Variants in VAMP3 observed in about 807,000 individuals in gnomAD.
The protein encoded by VAMP3 is vesicle associated membrane protein 3, also known as vesicle-associated membrane protein 3.
A neutral mutation model predicts 18.1 loss-of-function variants in VAMP3; 11 were observed. That is an observed-to-expected ratio of 0.61 (90% CI 0.38 to 1.00). The LOEUF (loss-of-function observed/expected upper bound fraction) is 1.00, where lower values mean the gene tolerates loss of function less well. Ranked by LOEUF, VAMP3 falls within the 50% of genes least tolerant of loss-of-function variation. The probability of loss-of-function intolerance (pLI) is 0.01; values close to 1 mark genes in which losing one functional copy is unlikely to be tolerated. For synonymous variants in VAMP3, 49 were observed against 43.1 expected (o/e 1.14, Z -0.53); for missense variants, 122 against 127.3 (o/e 0.96, Z 0.20).
At chr1:7,771,600 C>T (rs1208171648) in intron 1 of VAMP3, among the ~76,000 whole-genome samples, 1 of 152,156 alleles carries the variant, frequency 6.6e-6, no homozygotes, top group African/African-American at 2.4e-5. Context: ...GCGGAAGGGG[C>T]AAGGGCGGGG....
intron 4 of VAMP3, among the ~76,000 whole-genome samples, chr1:7,778,371 CAATT>C (rs1315314718): frequency 6.6e-6 from 1 of 152,040 alleles, no homozygotes; most frequent in Non-Finnish European, 1.5e-5. Context: ...TCTCTACAAA[CAATT>C]GTTAATAATT....
At position 7,780,422 on chromosome 1, in the gene VAMP3, A is replaced by C. The variant is rs1168433835; in HGVS notation, c.*777A>C. 6.5e-6 allele frequency: 1 copy of C among 152,816 alleles called. No homozygotes were observed. Among genetic ancestry groups the C allele is most frequent in the Non-Finnish European group, 1.5e-5 (1 of 68,054 alleles). 9.5% of individuals were successfully genotyped at this position (152,816 alleles called of 1,614,324 possible). On this transcript the variant is annotated 3_prime_UTR_variant, in exon 5 of 5. Coordinates refer to ENST00000054666, the MANE Select transcript of VAMP3 (RefSeq NM_004781.4). The stretch of plus-strand genomic sequence containing the variant: ...ACTCAAGGTGCCCCTTCAGAATTAA[A>C]ATCATTACCTTGTGTGTGAACCTTC...
Position 7,771,354 on chromosome 1 carries a change from G to A in VAMP3, c.-30G>A. 6.3e-7 allele frequency: 1 copy of A among 1,591,936 alleles called. No homozygotes were observed. The highest frequency in any genetic ancestry group is 1.7e-5 in the Admixed American group (1 of 58,824). The stretch of plus-strand genomic sequence containing the variant: ...TTCGCTTCTCTGCTGACCCTCTCTC[G>A]TCGCCGCTGCCGCCGCCGCAGCTGC... On this transcript the variant is annotated 5_prime_UTR_variant, in exon 1 of 5. Transcript: ENST00000054666.
chr1:7,777,378 A>G (rs2097054823), intron 3 of VAMP3, 60 bp downstream of exon 3: 1 of 1,551,840 alleles, frequency 6.4e-7, no homozygotes. Context: ...CAGAGAATTA[A>G]CAGGCTACAG....
chr1:7,773,346 T>C (rs2097052381), intron 1 of VAMP3, 96 bp from the exon 2 acceptor site: 2 of 968,600 alleles, frequency 2.1e-6, no homozygotes, highest in Middle Eastern at 2.1e-4. Context: ...ATGTAAGAGA[T>C]TGTTAACAGT....
intron 2 of VAMP3, chr1:7,776,357 A>G (rs1187861433): frequency 1.3e-5 from 2 of 152,154 alleles, no homozygotes; most frequent in Non-Finnish European, 2.9e-5. Context: ...ACTGATTTCT[A>G]TGTGTTGTTG....
Position 7,781,226 on chromosome 1 carries a change from C to A in VAMP3, c.*1581C>A, listed in dbSNP as rs1193686007. The A allele has an allele frequency of 8.5e-5, 13 of 152,796 alleles. No homozygotes were observed. The highest frequency in any genetic ancestry group is 2.7e-4 in the African/African-American group (11 of 41,440). 9.5% of individuals were successfully genotyped at this position (152,796 alleles called of 1,614,324 possible). A position where few individuals can be genotyped will look rare whatever the true frequency, so the allele number is the denominator to read the frequency against. On this transcript the variant is annotated 3_prime_UTR_variant, in exon 5 of 5. Coordinates refer to ENST00000054666, the MANE Select transcript of VAMP3 (RefSeq NM_004781.4). ...CCAGCTGTGAGGAGAAAGCAGCTGG[C>A]AGTGTTAGGACATTAGTCCACCTTC...
At chr1:7,774,391 GTTT>G (rs2097053097) in intron 2 of VAMP3, among the ~76,000 whole-genome samples, 1 of 151,702 alleles carries the variant, frequency 6.6e-6, no homozygotes, top group Non-Finnish European at 1.5e-5. Flanking sequence ...AAGGAGAGTT[GTTT>G]TTTTATTGAG....
chr1:7,773,538 G>A, intron 2 of VAMP3, 27 bp downstream of exon 2: 1 of 1,597,874 alleles, frequency 6.3e-7, no homozygotes, highest in Non-Finnish European at 8.6e-7. Flanking sequence ...TTGGAAATAT[G>A]AATTTTAAAC....
At chr1:7,777,355 C>T in intron 3 of VAMP3, 37 bp downstream of exon 3, 1 of 1,582,704 alleles carries the variant, frequency 6.3e-7, no homozygotes, top group Non-Finnish European at 8.6e-7. Context: ...ATTTAACCCC[C>T]CTTCTCCATT....
chr1:7,778,930 G>T (rs538224438), intron 4 of VAMP3, among the ~76,000 whole-genome samples: 3 of 152,170 alleles, frequency 2.0e-5, no homozygotes, highest in Admixed American at 6.5e-5. Context: ...GCTTGGTGGC[G>T]CACGCCTGTA....
At position 7,777,336 on chromosome 1, in the gene VAMP3, G is replaced by A; in HGVS notation, c.231+18G>A. ...ATTGCAAGGTAATTATCTTTTAACT[G>A]ACCTTTACATTTAACCCCCCTTCTC... is the stretch of plus-strand genomic sequence containing the variant. On this transcript the variant is annotated intron_variant, in intron 3 of 4. Coordinates refer to ENST00000054666, the MANE Select transcript of VAMP3 (RefSeq NM_004781.4). The A allele has an allele frequency of 6.2e-7, 1 of 1,603,064 alleles. No individual in the cohort carries two copies.
Position 7,779,755 on chromosome 1 carries a change from T to G in VAMP3, c.*110T>G. The G allele has an allele frequency of 1.4e-6, 2 of 1,480,194 alleles. No homozygotes were observed. Among genetic ancestry groups the G allele is most frequent in the Non-Finnish European group, 1.9e-6 (2 of 1,079,022 alleles). The allele number at this position is 1,480,194 out of a possible 1,614,324, so 91.7% of individuals were successfully genotyped here. ...ACTGTTATCTCTAAAATTTTTTTTGTGTTAATGTAAAGTTGAATTTCTAGG... is the reference window on the plus strand; with the variant it reads ...ACTGTTATCTCTAAAATTTTTTTTGGGTTAATGTAAAGTTGAATTTCTAGG... On this transcript the variant is annotated 3_prime_UTR_variant, in exon 5 of 5. Coordinates refer to ENST00000054666, the MANE Select transcript of VAMP3 (RefSeq NM_004781.4).
At chr1:7,771,828 A>G (rs1225209166) in intron 1 of VAMP3, among the ~76,000 whole-genome samples, 1 of 152,254 alleles carries the variant, frequency 6.6e-6, no homozygotes, top group East Asian at 1.9e-4. Context: ...CTCCTTGCCT[A>G]GCTAGGGGCA....
At position 7,779,697 on chromosome 1, in the gene VAMP3, G is replaced by A. The variant is rs768115846; in HGVS notation, c.*52G>A. 2.5e-6 allele frequency: 4 copies of A among 1,612,586 alleles called. No individual in the cohort carries two copies. Among genetic ancestry groups the A allele is most frequent in the South Asian group, 2.2e-5 (2 of 90,964 alleles). Reference sequence around the variant, plus strand: ...TTCAAGAAACCTCTTCAAGACTTTTGACTTAGAACCTGCTATATTATCAAG... The same window carrying A: ...TTCAAGAAACCTCTTCAAGACTTTTAACTTAGAACCTGCTATATTATCAAG... On this transcript the variant is annotated 3_prime_UTR_variant, in exon 5 of 5. Transcript: ENST00000054666.
chr1:7,775,396 G>A (rs1203230894), intron 2 of VAMP3, among the ~76,000 whole-genome samples: 2 of 151,608 alleles, frequency 1.3e-5, no homozygotes, highest in Admixed American at 6.6e-5. Flanking sequence ...TGCCGAGGCT[G>A]GAGTGCAGTG....
chr1:7,774,600 C>T (rs567623446), intron 2 of VAMP3, among the ~76,000 whole-genome samples: 2 of 152,318 alleles, frequency 1.3e-5, no homozygotes, highest in Non-Finnish European at 2.9e-5. Flanking sequence ...CTCTAATCAG[C>T]TCTCTCTTTC....
In VAMP3 at chr1:7,780,868, A is replaced by G. The variant is rs566703647; in HGVS notation, c.*1223A>G. On this transcript the variant is annotated 3_prime_UTR_variant, in exon 5 of 5. Transcript: ENST00000054666. ...GCTTTGATATCATCAACTGCAGAGA[A>G]TGCTGTTGATGGGAATGCTGGAAGC... The G allele has an allele frequency of 2.0e-5, 3 of 152,514 alleles. No homozygotes were observed. Among genetic ancestry groups the G allele is most frequent in the South Asian group, 4.1e-4 (2 of 4,830 alleles). The allele number at this position is 152,514 out of a possible 1,614,324, so 9.4% of individuals were successfully genotyped here.
chr1:7,775,230 G>C (rs980992886), intron 2 of VAMP3, among the ~76,000 whole-genome samples: 1 of 152,176 alleles, frequency 6.6e-6, no homozygotes, highest in Non-Finnish European at 1.5e-5. Context: ...TGGGTTGTTT[G>C]AGTTGTGAGA....
Sources: allele counts gnomAD v4.1 joint callset (sites outside exome capture counted in the v4.1 genomes callset), GRCh38; gene constraint gnomAD v4.1.1; transcripts MANE v1.5; gene names NCBI Gene and HGNC (gene_info 2026-07-23, HGNC 2026-07-21).